The following PARD3 variants were observed in gnomAD, a reference collection of about 807,000 sequenced individuals.
PARD3 encodes the protein partitioning defective 3 homolog.
In PARD3, 75 loss-of-function variants were observed where a neutral mutation model predicts 155.4. The ratio of observed to expected loss-of-function variants is 0.48; its 90% CI spans 0.40 to 0.58. The LOEUF is 0.58. Ranked by LOEUF, PARD3 falls within the 20% of genes least tolerant of loss-of-function variation. The pLI is 0.00. For missense variants in PARD3, 1,642 were observed against 1,721.7 expected, an observed-to-expected ratio of 0.95 and a Z score of 0.82; for synonymous variants, 576 against 610.5, an observed-to-expected ratio of 0.94 and a Z score of 0.83.
intron 2 of PARD3, among the ~76,000 whole-genome samples, chr10:34,539,600 G>T (rs2083460362): frequency 6.6e-6 from 1 of 152,222 alleles, no homozygotes. Context: ...GGCAGAGGTT[G>T]CAGTGAGCCG....
At chr10:34,715,236 C>A (rs1461466671) in intron 1 of PARD3, among the ~76,000 whole-genome samples, 1 of 152,056 alleles carries the variant, frequency 6.6e-6, no homozygotes, top group East Asian at 1.9e-4. Context: ...CACCACCACG[C>A]CCAGCACATT....
At position 34,405,937 on chromosome 10, in the gene PARD3, A is replaced by G. The variant is rs111636966; in HGVS notation, c.715-4020T>C. ...GGAGATCTTATACCTATCTTGCTCT[A>G]CAAACATCCTTGAAAAGATTGTCCA... On this transcript the variant is annotated intron_variant, in intron 5 of 24. Coordinates refer to ENST00000374788, the MANE Select transcript of PARD3 (RefSeq NM_001184785.2). Among the ~76,000 whole-genome samples the G allele has an allele frequency of 1.7e-3, 253 of 152,276 alleles. 1 individual carries two copies. Among genetic ancestry groups the G allele is most frequent in the African/African-American group, 5.7e-3 (238 of 41,572 alleles).
rs576361111 is a variant in PARD3 at position 34,345,290 on chromosome 10, C to T, written c.2218+2675G>A. ...TGGGGTGTATCTTTTAAAAGCCTTT[C>T]GCCAGGGATGTGTTCACATAGGAAT... On this transcript the variant is annotated intron_variant, in intron 15 of 24. Coordinates refer to ENST00000374788, the MANE Select transcript of PARD3 (RefSeq NM_001184785.2). 1.2e-4 allele frequency: 118 copies of T among 985,336 alleles called. 1 individual carries two copies. The South Asian group carries it at 4.8e-3, about 40-fold the overall frequency. The allele number at this position is 985,336 out of a possible 1,614,324, so 61.0% of individuals were successfully genotyped here. A position where few individuals can be genotyped will look rare whatever the true frequency, so the allele number is the denominator to read the frequency against.
At position 34,110,440 on chromosome 10, in the gene PARD3, C is replaced by A. The variant is rs1274624577; in HGVS notation, c.*729G>T. The A allele has an allele frequency of 1.3e-5, 2 of 152,280 alleles. No homozygotes were observed. Among genetic ancestry groups the A allele is most frequent in the African/African-American group, 4.8e-5 (2 of 41,452 alleles). 9.4% of individuals were successfully genotyped at this position (152,280 alleles called of 1,614,324 possible). On this transcript the variant is annotated 3_prime_UTR_variant, in exon 25 of 25. Coordinates refer to ENST00000374788, the MANE Select transcript of PARD3 (RefSeq NM_001184785.2). ...CCACTCCTGTCTCCCACGTTCCCCA[C>A]ACAGAGCTGTGGTGACTCAACCCAC...
intron 2 of PARD3, among the ~76,000 whole-genome samples, chr10:34,693,929 CTCTT>C (rs2094115876): frequency 6.6e-6 from 1 of 152,120 alleles, no homozygotes; most frequent in Non-Finnish European, 1.5e-5. Flanking sequence ...CTATTCAAGT[CTCTT>C]TATTTAAAAG....
chr10:34,401,775 A>AC (rs1393868676), intron 6 of PARD3, 51 bp downstream of exon 6: 1 of 1,110,204 alleles, frequency 9.0e-7, no homozygotes, highest in Non-Finnish European at 1.4e-6. Flanking sequence ...TGCTGCAATT[A>AC]ATGATGCTAC....
intron 20 of PARD3, among the ~76,000 whole-genome samples, chr10:34,301,643 C>T (rs1957150546): frequency 6.6e-6 from 1 of 152,116 alleles, no homozygotes; most frequent in African/African-American, 2.4e-5. Context: ...GCCCTTCCCC[C>T]TCTTCCACCC....
At chr10:34,585,028 A>C (rs958472651) in intron 2 of PARD3, among the ~76,000 whole-genome samples, 1 of 152,180 alleles carries the variant, frequency 6.6e-6, no homozygotes, top group African/African-American at 2.4e-5. Context: ...AAACAAAAAG[A>C]AAACACCTCA....
At chr10:34,227,883 T>TATATATATATACATAC (rs1491222875) in intron 22 of PARD3, among the ~76,000 whole-genome samples, 1 of 130,458 alleles carries the variant, frequency 7.7e-6, no homozygotes, top group African/African-American at 2.9e-5. Context: ...TATATATATA[T>TATATATATATACATAC]ACTGGGAATA....
chr10:34,388,688 G>C (rs1285998085), intron 7 of PARD3, among the ~76,000 whole-genome samples: 3 of 152,208 alleles, frequency 2.0e-5, no homozygotes, highest in Non-Finnish European at 4.4e-5. Flanking sequence ...TGGCACGTCA[G>C]TGTGCTGGTA....
At chr10:34,393,712 A>G (rs4098726) in intron 7 of PARD3, among the ~76,000 whole-genome samples, 88,956 of 151,938 alleles carry the variant, frequency 0.59, 28,239 homozygotes, top group African/African-American at 0.85. Flanking sequence ...GCAACAAAGC[A>G]AGACCCAGTT....
At chr10:34,649,435 C>T (rs1043272839) in intron 2 of PARD3, among the ~76,000 whole-genome samples, 3 of 152,218 alleles carry the variant, frequency 2.0e-5, no homozygotes, top group African/African-American at 7.2e-5. Context: ...ACCTGTACAA[C>T]GTGTTATTGT....
At chr10:34,737,595 T>C (rs1250272434) in intron 1 of PARD3, among the ~76,000 whole-genome samples, 1 of 151,980 alleles carries the variant, frequency 6.6e-6, no homozygotes, top group African/African-American at 2.4e-5. Flanking sequence ...AACGCAACAG[T>C]AGAGAGGAGG....
At chr10:34,326,867 A>G (rs1479928411) in intron 19 of PARD3, among the ~76,000 whole-genome samples, 1 of 152,234 alleles carries the variant, frequency 6.6e-6, no homozygotes, top group Non-Finnish European at 1.5e-5. Context: ...CAATGCCTTC[A>G]TGTTTGCAAG....
chr10:34,257,515 A>G (rs561437087), intron 22 of PARD3, among the ~76,000 whole-genome samples: 30 of 152,340 alleles, frequency 2.0e-4, no homozygotes, highest in Middle Eastern at 3.4e-3. Flanking sequence ...AGGCAGCTCC[A>G]GGAGATTTTG....
At chr10:34,346,251 C>G in intron 15 of PARD3, 1 of 1,152,140 alleles carries the variant, frequency 8.7e-7, no homozygotes, top group South Asian at 2.0e-5. Flanking sequence ...GGGCAACAGA[C>G]TAGGAAGAAA....
intron 4 of PARD3, among the ~76,000 whole-genome samples, chr10:34,460,618 G>A (rs142791779): frequency 0.026 from 3,895 of 152,088 alleles, 164 homozygotes; most frequent in African/African-American, 0.089. Context: ...TGGATAACGA[G>A]GTCAGGAGAT....
chr10:34,204,059 T>C (rs554897226), intron 22 of PARD3, among the ~76,000 whole-genome samples: 1 of 152,340 alleles, frequency 6.6e-6, no homozygotes, highest in Admixed American at 6.5e-5. Context: ...GAATAGTAAA[T>C]GTGTTGACTA....
Position 34,187,442 on chromosome 10 carries a change from G to A in PARD3, c.3420-55859C>T, listed in dbSNP as rs75593886. 3.4e-3 allele frequency among the ~76,000 whole-genome samples: 511 copies of A among 152,292 alleles called. 2 individuals are homozygous for A. Among genetic ancestry groups the A allele is most frequent in the African/African-American group, 0.012 (494 of 41,556 alleles). The stretch of plus-strand genomic sequence containing the variant: ...GGAAGCTCCACTTTGAACAAAGGCA[G>A]GCCCATTCCTAGTGGTGATTAATTT... On this transcript the variant is annotated intron_variant, in intron 22 of 24. Coordinates refer to ENST00000374788, the MANE Select transcript of PARD3 (RefSeq NM_001184785.2).
Sources: allele counts gnomAD v4.1 joint callset (sites outside exome capture counted in the v4.1 genomes callset), GRCh38; gene constraint gnomAD v4.1.1; transcripts MANE v1.5; gene names NCBI Gene and HGNC (gene_info 2026-07-23, HGNC 2026-07-21).